PDE4D: variants seen among roughly 807,000 people sequenced by gnomAD.
The protein encoded by PDE4D is 3',5'-cyclic-AMP phosphodiesterase 4D.
A neutral mutation model predicts 87.4 loss-of-function variants in PDE4D; 24 were observed. The ratio of observed to expected loss-of-function variants is 0.27; its 90% confidence interval spans 0.20 to 0.39. The LOEUF is 0.39. Among genes scored for constraint, PDE4D ranks in the 10% least tolerant of loss-of-function variants. PDE4D has a pLI of 1.00. For synonymous variants in PDE4D, 384 were observed against 383.2 expected, an observed-to-expected ratio of 1.00 and a Z score of -0.02; for missense variants, 714 against 1,041.0, an observed-to-expected ratio of 0.69 and a Z score of 4.32.
At chr5:59,189,481 CA>C (rs889225742) in intron 3 of PDE4D, among the ~76,000 whole-genome samples, 7 of 152,088 alleles carry the variant, frequency 4.6e-5, no homozygotes, top group African/African-American at 1.7e-4. Context: ...GAGTCTACTT[CA>C]TTTAACATTA....
chr5:59,442,911 C>T (rs1451837940), intron 1 of PDE4D, among the ~76,000 whole-genome samples: 4 of 152,118 alleles, frequency 2.6e-5, no homozygotes, highest in African/African-American at 7.2e-5. Context: ...CATCTTGCTA[C>T]GAAAAGCAAC....
At chr5:59,536,343 A>C (rs1254154332) in intron 1 of PDE4D, among the ~76,000 whole-genome samples, 1 of 151,666 alleles carries the variant, frequency 6.6e-6, no homozygotes, top group Non-Finnish European at 1.5e-5. Context: ...GTCTCTACTA[A>C]AAATACAAAA....
chr5:59,431,160 G>A (rs944463204), intron 1 of PDE4D, among the ~76,000 whole-genome samples: 4 of 152,220 alleles, frequency 2.6e-5, no homozygotes, highest in African/African-American at 9.6e-5. Flanking sequence ...CACTTTGAAC[G>A]AAGATCTATG....
At position 58,984,191 on chromosome 5, in the gene PDE4D, G is replaced by A. The variant is rs1442880626; in HGVS notation, c.1552+4302C>T. ...ACATTTCTCCATGAAATGACAGAGG[G>A]AAGTGGTGGTTTTAACTTAATATTC... On this transcript the variant is annotated intron_variant, in intron 11 of 14. Transcript: ENST00000340635. Among the ~76,000 whole-genome samples the A allele has an allele frequency of 2.0e-5, 3 of 152,192 alleles. No individual in the cohort carries two copies. In the East Asian group the frequency reaches 5.8e-4, roughly 29 times the overall value.
At chr5:60,390,236 C>T (rs1480767754) in intron 1 of PDE4D, among the ~76,000 whole-genome samples, 1 of 152,138 alleles carries the variant, frequency 6.6e-6, no homozygotes, top group African/African-American at 2.4e-5. Context: ...TAGCCAATAG[C>T]TTTAGGGGGA....
intron 1 of PDE4D, among the ~76,000 whole-genome samples, chr5:59,373,148 C>T (rs2153599289): frequency 6.6e-6 from 1 of 152,256 alleles, no homozygotes; most frequent in African/African-American, 2.4e-5. Context: ...CAACCGTGTC[C>T]CTTCTAAAGC....
At chr5:60,249,876 G>A (rs960295652) in intron 1 of PDE4D, among the ~76,000 whole-genome samples, 6 of 151,880 alleles carry the variant, frequency 4.0e-5, no homozygotes, top group African/African-American at 4.8e-5. Flanking sequence ...AGACTACTAA[G>A]GCTAAAGATT....
At chr5:60,211,161 A>G (rs1360655544) in intron 1 of PDE4D, among the ~76,000 whole-genome samples, 3 of 152,192 alleles carry the variant, frequency 2.0e-5, no homozygotes, top group Non-Finnish European at 4.4e-5. Flanking sequence ...ACCAAGAACG[A>G]AACCGTCATT....
intron 2 of PDE4D, among the ~76,000 whole-genome samples, chr5:60,069,638 C>CT (rs1196305826): frequency 6.6e-6 from 1 of 151,188 alleles, no homozygotes; most frequent in Non-Finnish European, 1.5e-5. Context: ...TAGCTTTATT[C>CT]TTTTTTTCAA....
intron 1 of PDE4D, among the ~76,000 whole-genome samples, chr5:59,473,811 G>C (rs1204266517): frequency 6.6e-6 from 1 of 152,152 alleles, no homozygotes; most frequent in African/African-American, 2.4e-5. Flanking sequence ...AAGCCATAAA[G>C]TAAACTATCA....
chr5:60,096,958 G>C (rs1562088337), intron 2 of PDE4D, among the ~76,000 whole-genome samples: 1 of 152,014 alleles, frequency 6.6e-6, no homozygotes, highest in African/African-American at 2.4e-5. Flanking sequence ...ATTAAAATGG[G>C]TATTTCTTCA....
intron 2 of PDE4D, among the ~76,000 whole-genome samples, chr5:60,135,276 C>T (rs1157333030): frequency 6.6e-6 from 1 of 152,142 alleles, no homozygotes; most frequent in Non-Finnish European, 1.5e-5. Context: ...CTTGGACTTC[C>T]CAGCCTCCAT....
At chr5:60,094,669 G>A (rs939963622) in intron 2 of PDE4D, among the ~76,000 whole-genome samples, 1 of 138,108 alleles carries the variant, frequency 7.2e-6, no homozygotes, top group Non-Finnish European at 1.5e-5. Context: ...ACAATGTGAA[G>A]AGACATACAG....
intron 1 of PDE4D, among the ~76,000 whole-genome samples, chr5:60,480,695 T>G (rs1232611464): frequency 1.3e-5 from 2 of 152,180 alleles, no homozygotes. Flanking sequence ...GGCATTACTT[T>G]ATACCTATAT....
chr5:59,640,421 C>T (rs1177002119), intron 1 of PDE4D, among the ~76,000 whole-genome samples: 4 of 152,180 alleles, frequency 2.6e-5, no homozygotes, highest in African/African-American at 9.7e-5. Context: ...CTTCCTCCTC[C>T]TTATTCTAAT....
At chr5:59,475,662 G>A (rs1803186963) in intron 1 of PDE4D, among the ~76,000 whole-genome samples, 1 of 152,028 alleles carries the variant, frequency 6.6e-6, no homozygotes, top group Non-Finnish European at 1.5e-5. Flanking sequence ...TTGTCTCCCA[G>A]TAAAAAGATT....
intron 1 of PDE4D, among the ~76,000 whole-genome samples, chr5:60,273,295 A>T (rs1309479537): frequency 6.6e-6 from 1 of 152,162 alleles, no homozygotes; most frequent in African/African-American, 2.4e-5. Flanking sequence ...GAATGGAAAG[A>T]CACTCCAAGC....
intron 1 of PDE4D, among the ~76,000 whole-genome samples, chr5:59,633,606 T>A (rs960172344): frequency 6.6e-6 from 1 of 152,154 alleles, no homozygotes; most frequent in Non-Finnish European, 1.5e-5. Flanking sequence ...AGAGAAGAAT[T>A]TGCAACCCAG....
At chr5:59,469,444 T>G (rs978956151) in intron 1 of PDE4D, among the ~76,000 whole-genome samples, 5 of 152,168 alleles carry the variant, frequency 3.3e-5, no homozygotes, top group African/African-American at 1.2e-4. Context: ...AAATAATAAG[T>G]GGCAAACATC....
Sources: gnomAD v4.1 joint callset for allele counts (sites outside exome capture counted in the v4.1 genomes callset) on GRCh38, gnomAD v4.1.1 for gene constraint, MANE v1.5 for transcripts, NCBI Gene and HGNC (gene_info 2026-07-23, HGNC 2026-07-21) for gene names.